The following MACROD2 variants were observed in gnomAD, a reference collection of about 807,000 sequenced individuals.
MACROD2 encodes the protein ADP-ribose glycohydrolase MACROD2.
Under a neutral mutation model 70.4 loss-of-function variants are expected in MACROD2, and 36 were observed. The ratio of observed to expected loss-of-function variants is 0.51; its 90% CI spans 0.39 to 0.68. The LOEUF is 0.68. Ranked by LOEUF, MACROD2 falls within the 30% of genes least tolerant of loss-of-function variation. The pLI, the probability that MACROD2 is intolerant of heterozygous loss-of-function variation, is 0.00. For synonymous variants in MACROD2, 172 were observed against 178.8 expected, an observed-to-expected ratio of 0.96 and a Z score of 0.30; for missense variants, 496 against 538.4, an observed-to-expected ratio of 0.92 and a Z score of 0.78.
At chr20:15,551,685 A>G (rs759142249) in intron 8 of MACROD2, among the ~76,000 whole-genome samples, 3 of 152,008 alleles carry the variant, frequency 2.0e-5, no homozygotes, top group African/African-American at 7.2e-5. Flanking sequence ...CCTGGGCAAC[A>G]TGGCGGAACC....
intron 6 of MACROD2, among the ~76,000 whole-genome samples, chr20:15,322,847 C>A (rs1402968356): frequency 1.4e-5 from 2 of 143,550 alleles, no homozygotes; most frequent in African/African-American, 5.0e-5. Context: ...AGAAATGTGA[C>A]CTTGGAATCC....
chr20:15,773,829 T>C (rs977425316), intron 8 of MACROD2, among the ~76,000 whole-genome samples: 1 of 152,158 alleles, frequency 6.6e-6, no homozygotes, highest in African/African-American at 2.4e-5. Flanking sequence ...AAGTCACCAC[T>C]GATCTCGAAG....
chr20:15,777,888 A>T (rs1445703591), intron 8 of MACROD2, among the ~76,000 whole-genome samples: 1 of 152,046 alleles, frequency 6.6e-6, no homozygotes, highest in Non-Finnish European at 1.5e-5. Context: ...TGGTCTTGAG[A>T]GATCTGCCTG....
chr20:14,326,630 C>T lies in MACROD2; in HGVS notation c.272-166849C>T. 1 of 1,613,836 alleles carries T rather than the reference C, an allele frequency of 6.2e-7. No homozygotes were observed. Among genetic ancestry groups the T allele is most frequent in the East Asian group, 2.2e-5 (1 of 44,858 alleles). Reference sequence around the variant, plus strand: ...ATCAGTTGTGTTATATTGTCCAAATCATCAAAGATACCCTGAGGTAAATTA... The same window carrying T: ...ATCAGTTGTGTTATATTGTCCAAATTATCAAAGATACCCTGAGGTAAATTA... On this transcript the variant is annotated intron_variant, in intron 3 of 17. Transcript: ENST00000684519. The surrounding 1 kb of genome is among the most constrained non-coding windows in gnomAD (Gnocchi z 5.5).
At chr20:16,039,730 C>T (rs2067283147) in intron 15 of MACROD2, among the ~76,000 whole-genome samples, 1 of 151,848 alleles carries the variant, frequency 6.6e-6, no homozygotes, top group African/African-American at 2.4e-5. Context: ...CTAGAATAGG[C>T]AGTGTGAGAA....
chr20:14,181,413 A>C lies in MACROD2; in HGVS notation c.271+95685A>C, dbSNP rs945319074. Among the ~76,000 whole-genome samples the C allele has an allele frequency of 2.6e-5, 4 of 152,022 alleles. No individual in the cohort carries two copies. In the South Asian group the frequency reaches 8.3e-4, roughly 32 times the overall value. On this transcript the variant is annotated intron_variant, in intron 3 of 17. Coordinates refer to ENST00000684519, the MANE Select transcript of MACROD2 (RefSeq NM_001351661.2). The stretch of plus-strand genomic sequence containing the variant: ...ATTATCCTCACAATAGAGTGACGAA[A>C]ATGATGGGGAACCATCATTTTGCTA...
intron 5 of MACROD2, among the ~76,000 whole-genome samples, chr20:14,840,402 C>A (rs1161716287): frequency 6.6e-6 from 1 of 151,708 alleles, no homozygotes; most frequent in Admixed American, 6.6e-5. Context: ...TAATTTTCTG[C>A]TGTTCTTTTT....
intron 4 of MACROD2, among the ~76,000 whole-genome samples, chr20:14,503,074 A>G (rs2084931664): frequency 6.6e-6 from 1 of 152,196 alleles, no homozygotes. Context: ...AAGGTATGTG[A>G]AAAGAAGCCA....
chr20:14,977,462 TACACACAC>T (rs3045702), intron 5 of MACROD2, among the ~76,000 whole-genome samples: 15 of 135,086 alleles, frequency 1.1e-4, no homozygotes, highest in East Asian at 2.1e-4. Context: ...AAGAAAAAGA[TACACACAC>T]ACACACACAC....
At chr20:14,508,123 A>C (rs780897911) in intron 4 of MACROD2, among the ~76,000 whole-genome samples, 1 of 152,202 alleles carries the variant, frequency 6.6e-6, no homozygotes, top group Non-Finnish European at 1.5e-5. Context: ...ATTCATCTTC[A>C]GAAAAGACTC....
At chr20:15,965,605 T>A (rs1332917176) in intron 12 of MACROD2, among the ~76,000 whole-genome samples, 1 of 152,170 alleles carries the variant, frequency 6.6e-6, no homozygotes, top group African/African-American at 2.4e-5. Flanking sequence ...ATATAATTTT[T>A]AATAAATAAC....
intron 3 of MACROD2, among the ~76,000 whole-genome samples, chr20:14,187,238 T>A (rs958871715): frequency 2.7e-5 from 4 of 150,450 alleles, no homozygotes; most frequent in African/African-American, 9.8e-5. Flanking sequence ...CCATAAAAAA[T>A]AGAAAATTTT....
At chr20:15,874,329 G>A (rs1213772821) in intron 9 of MACROD2, among the ~76,000 whole-genome samples, 1 of 152,036 alleles carries the variant, frequency 6.6e-6, no homozygotes, top group Non-Finnish European at 1.5e-5. Context: ...GGACATTTGG[G>A]TTGGTTCCAA....
At position 15,231,212 on chromosome 20, in the gene MACROD2, A is replaced by G. The variant is rs114317690; in HGVS notation, c.540+1151A>G. Among the ~76,000 whole-genome samples, 1,257 of 152,138 alleles carry G rather than the reference A, an allele frequency of 8.3e-3. 16 individuals carry two copies. Among genetic ancestry groups the G allele is most frequent in the African/African-American group, 0.029 (1,195 of 41,546 alleles). On this transcript the variant is annotated intron_variant, in intron 6 of 17. Transcript: ENST00000684519. ...TTTGGATAATTATTAACAGAGCTGG[A>G]TATTTTATTTCTCTCTTTGATTTTC...
At chr20:14,912,353 A>G (rs772674120) in intron 5 of MACROD2, among the ~76,000 whole-genome samples, 5 of 152,206 alleles carry the variant, frequency 3.3e-5, no homozygotes, top group South Asian at 2.1e-4. Context: ...TAAATTCATT[A>G]TATCTAAATA....
intron 2 of MACROD2, among the ~76,000 whole-genome samples, chr20:14,021,598 C>T (rs1470411154): frequency 6.6e-6 from 1 of 152,172 alleles, no homozygotes; most frequent in Non-Finnish European, 1.5e-5. Flanking sequence ...TGATGTTTCT[C>T]TGTGGGGAAC....
chr20:14,896,273 C>T (rs117525247), intron 5 of MACROD2, among the ~76,000 whole-genome samples: 2,414 of 151,406 alleles, frequency 0.016, 26 homozygotes, highest in Middle Eastern at 0.058. Context: ...TCAGCCTGGG[C>T]GACAGAGCGC....
At chr20:15,073,132 A>G (rs762478123) in intron 5 of MACROD2, among the ~76,000 whole-genome samples, 4 of 152,134 alleles carry the variant, frequency 2.6e-5, no homozygotes, top group Non-Finnish European at 5.9e-5. Context: ...TTTTAAAATT[A>G]TAAATTCCCC....
chr20:15,020,388 A>G (rs2075155881), intron 5 of MACROD2, among the ~76,000 whole-genome samples: 1 of 152,230 alleles, frequency 6.6e-6, no homozygotes, highest in Non-Finnish European at 1.5e-5. Context: ...GAAAAAATTT[A>G]TATGAGTTTT....
Sources: gnomAD v4.1 joint callset for allele counts (sites outside exome capture counted in the v4.1 genomes callset) on GRCh38, gnomAD v4.1.1 for gene constraint, Gnocchi (gnomAD v3.1) non-coding constraint, MANE v1.5 for transcripts, NCBI Gene and HGNC (gene_info 2026-07-23, HGNC 2026-07-21) for gene names.